The following SGCG variants were observed in gnomAD, a reference collection of about 807,000 sequenced individuals.
The protein encoded by SGCG is gamma-sarcoglycan.
In SGCG, 26 loss-of-function variants were observed where a neutral mutation model predicts 29.3. The ratio of observed to expected loss-of-function variants is 0.89; its 90% confidence interval spans 0.65 to 1.23. The LOEUF is 1.23. Ranked by LOEUF, SGCG falls within the 50% of genes most tolerant of loss-of-function variation. The pLI is 0.00. For synonymous variants in SGCG, 145 were observed against 129.7 expected (o/e 1.12, Z -0.80); for missense variants, 353 against 356.0 (o/e 0.99, Z 0.07).
intron 2 of SGCG, among the ~76,000 whole-genome samples, chr13:23,233,531 A>G (rs181378303): frequency 3.3e-5 from 5 of 152,234 alleles, no homozygotes; most frequent in African/African-American, 1.2e-4. Context: ...GGAGGGGAGA[A>G]TGGGGAGTTA....
chr13:23,266,131 G>A (rs997683538), intron 4 of SGCG, among the ~76,000 whole-genome samples: 13 of 151,932 alleles, frequency 8.6e-5, no homozygotes, highest in Non-Finnish European at 2.9e-5. Flanking sequence ...CAAAAATTAG[G>A]TATGGTGGCA....
chr13:23,223,763 T>C (rs4238166), intron 2 of SGCG, among the ~76,000 whole-genome samples: 90,196 of 151,472 alleles, frequency 0.6, 27,554 homozygotes, highest in East Asian at 0.86. Flanking sequence ...GTCAGGAGTT[T>C]GAGACCAGCC....
chr13:23,271,350 C>T (rs2137604229), intron 4 of SGCG, among the ~76,000 whole-genome samples: 1 of 152,202 alleles, frequency 6.6e-6, no homozygotes, highest in African/African-American at 2.4e-5. Context: ...CCCTGGGCCA[C>T]ACTGGAAGAA....
intron 2 of SGCG, among the ~76,000 whole-genome samples, chr13:23,231,494 A>G (rs1879111047): frequency 6.6e-6 from 1 of 152,162 alleles, no homozygotes; most frequent in Non-Finnish European, 1.5e-5. Flanking sequence ...TTTTGGTGAT[A>G]TAACAAATAG....
At chr13:23,208,145 A>G (rs1332885700) in intron 2 of SGCG, among the ~76,000 whole-genome samples, 1 of 152,118 alleles carries the variant, frequency 6.6e-6, no homozygotes. Context: ...AACTTGTAAC[A>G]ACTACCATAT....
At chr13:23,178,042 C>T (rs1475753108), upstream of SGCG, among the ~76,000 whole-genome samples, 1 of 152,098 alleles carries the variant, frequency 6.6e-6, no homozygotes, top group Non-Finnish European at 1.5e-5. Flanking sequence ...TCACTGAAGG[C>T]ATGTGTGTCA....
chr13:23,320,404 G>A (rs1882988120), intron 6 of SGCG, among the ~76,000 whole-genome samples: 1 of 152,060 alleles, frequency 6.6e-6, no homozygotes, highest in Non-Finnish European at 1.5e-5. Flanking sequence ...TGTTTTTATC[G>A]GCTTTTAGAG....
intron 4 of SGCG, 117 bp downstream of exon 4, chr13:23,250,834 T>C (rs1593197765): frequency 1.3e-6 from 1 of 744,210 alleles, no homozygotes; most frequent in East Asian, 2.7e-5. Flanking sequence ...AATATGAATT[T>C]TCTAAATATC....
At chr13:23,285,614 G>A (rs4770426) in intron 5 of SGCG, among the ~76,000 whole-genome samples, 17,005 of 152,158 alleles carry the variant, frequency 0.11, 1,070 homozygotes, top group Non-Finnish European at 0.12. Context: ...CCAGGAGAAT[G>A]AATGGTTCTG....
At chr13:23,160,530 AG>A in the SGCG span, among the ~76,000 whole-genome samples, 1 of 152,104 alleles carries the variant, frequency 6.6e-6, no homozygotes, top group Non-Finnish European at 1.5e-5. Context: ...GCGGTCGCTG[AG>A]GAAGGACGGA....
intron 1 of SGCG, among the ~76,000 whole-genome samples, chr13:23,202,036 G>A (rs1182594381): frequency 6.6e-6 from 1 of 152,236 alleles, no homozygotes; most frequent in Non-Finnish European, 1.5e-5. Context: ...AGCAGGACCA[G>A]CAGGGGCAGA....
intron 2 of SGCG, among the ~76,000 whole-genome samples, chr13:23,216,002 G>T (rs1378747412): frequency 6.6e-6 from 1 of 151,980 alleles, no homozygotes; most frequent in Non-Finnish European, 1.5e-5. Context: ...TGTAAAAGAG[G>T]ATAATTATCT....
intron 5 of SGCG, among the ~76,000 whole-genome samples, chr13:23,291,965 T>G (rs1301426394): frequency 6.6e-6 from 1 of 152,190 alleles, no homozygotes; most frequent in Non-Finnish European, 1.5e-5. Context: ...GCTGTCACCC[T>G]AAGACCAGTG....
At chr13:23,216,910 A>T (rs1042789093) in intron 2 of SGCG, among the ~76,000 whole-genome samples, 6 of 152,256 alleles carry the variant, frequency 3.9e-5, no homozygotes, top group African/African-American at 1.4e-4. Context: ...GTTCCACCAC[A>T]CTGTTCATAA....
rs193027957 is a variant in SGCG at position 23,295,364 on chromosome 13, G to A, written c.506-51G>A. On this transcript the variant is annotated intron_variant, in intron 5 of 7. Coordinates refer to ENST00000218867, the MANE Select transcript of SGCG (RefSeq NM_000231.3). ...TCTAGGCTAAATGTTTATTTTGTTT[G>A]GTGTCACTTATTTTACTTCTGCTCC... 3,825 of 1,274,368 alleles carry A rather than the reference G, an allele frequency of 3.0e-3. 9 individuals are homozygous for A. Among genetic ancestry groups the A allele is most frequent in the Middle Eastern group, 4.8e-3 (26 of 5,372 alleles). 78.9% of individuals were successfully genotyped at this position (1,274,368 alleles called of 1,614,324 possible).
Position 23,243,122 on chromosome 13 carries a change from C to T in SGCG, c.298-7508C>T, listed in dbSNP as rs562169685. 1.2e-3 allele frequency among the ~76,000 whole-genome samples: 189 copies of T among 152,258 alleles called. 2 individuals are homozygous for T. The highest frequency in any genetic ancestry group is 4.4e-3 in the African/African-American group (182 of 41,548). On this transcript the variant is annotated intron_variant, in intron 3 of 7. Coordinates refer to ENST00000218867, the MANE Select transcript of SGCG (RefSeq NM_000231.3). Reference sequence around the variant, plus strand: ...TAATATAGATACAGAGTCAATTCTGCTCTGTCAATTAAAAGAGCTTTACCG... The same window carrying T: ...TAATATAGATACAGAGTCAATTCTGTTCTGTCAATTAAAAGAGCTTTACCG...
At chr13:23,204,590 T>G (rs1400682460) in intron 2 of SGCG, among the ~76,000 whole-genome samples, 1 of 2,148 alleles carries the variant, frequency 4.7e-4, no homozygotes, top group East Asian at 0.1. Context: ...CTCTTTCTTT[T>G]CTTTCTTTTC....
rs182454647 is a variant in SGCG at position 23,279,877 on chromosome 13, G to A, written c.505+399G>A. 5.3e-5 allele frequency among the ~76,000 whole-genome samples: 8 copies of A among 151,906 alleles called. No individual in the cohort carries two copies. In the East Asian group the frequency reaches 7.7e-4, roughly 15 times the overall value. On this transcript the variant is annotated intron_variant, in intron 5 of 7. Coordinates refer to ENST00000218867, the MANE Select transcript of SGCG (RefSeq NM_000231.3). Reference sequence around the variant, plus strand: ...CGAGTAGCTGAGACTACAGGCACCCGCCACCATGCCTGGCTAATTTTTGTA... The same window carrying A: ...CGAGTAGCTGAGACTACAGGCACCCACCACCATGCCTGGCTAATTTTTGTA...
intron 4 of SGCG, among the ~76,000 whole-genome samples, chr13:23,252,688 C>A (rs1345009153): frequency 6.7e-6 from 1 of 150,096 alleles, no homozygotes; most frequent in Non-Finnish European, 1.5e-5. Context: ...GAGACTGTGT[C>A]TCAAAAAAAA....
Sources: gnomAD v4.1 joint callset for allele counts (sites outside exome capture counted in the v4.1 genomes callset) on GRCh38, gnomAD v4.1.1 for gene constraint, MANE v1.5 for transcripts, NCBI Gene and HGNC (gene_info 2026-07-23, HGNC 2026-07-21) for gene names.